Variants in LHFPL3 observed in about 807,000 individuals in gnomAD.
LHFPL3 encodes LHFPL tetraspan subfamily member 3, also known as LHFPL tetraspan subfamily member 3 protein.
Under a neutral mutation model 19.3 loss-of-function variants are expected in LHFPL3, and 5 were observed. The observed-to-expected ratio is 0.26, with a 90% CI of 0.14 to 0.54. The LOEUF is 0.54. Ranked by LOEUF, LHFPL3 falls within the 20% of genes least tolerant of loss-of-function variation. The probability of loss-of-function intolerance (pLI) is 0.94; values close to 1 mark genes in which losing one functional copy is unlikely to be tolerated. For synonymous variants in LHFPL3, 133 were observed against 126.2 expected, an observed-to-expected ratio of 1.05 and a Z score of -0.36; for missense variants, 249 against 307.4, an observed-to-expected ratio of 0.81 and a Z score of 1.42.
intron 1 of LHFPL3, among the ~76,000 whole-genome samples, chr7:104,511,944 CTTTTTT>C (rs58712044): frequency 3.3e-4 from 37 of 111,988 alleles, no homozygotes; most frequent in African/African-American, 1.1e-3. Flanking sequence ...CTTTCCTTTT[CTTTTTT>C]TTTTTTTTTT....
intron 1 of LHFPL3, among the ~76,000 whole-genome samples, chr7:104,619,854 G>A (rs1791412281): frequency 6.6e-6 from 1 of 152,108 alleles, no homozygotes; most frequent in South Asian, 2.1e-4. Context: ...CCACAGATGG[G>A]GCAGGTGGGG....
chr7:104,803,706 C>A (rs1790300216), intron 2 of LHFPL3, among the ~76,000 whole-genome samples: 1 of 152,238 alleles, frequency 6.6e-6, no homozygotes, highest in Non-Finnish European at 1.5e-5. Context: ...GTGCAGTGCA[C>A]AAACTGCCCA....
chr7:104,400,213 A>C (rs1791288221), intron 1 of LHFPL3, among the ~76,000 whole-genome samples: 1 of 144,600 alleles, frequency 6.9e-6, no homozygotes, highest in South Asian at 2.3e-4. Flanking sequence ...TTGAGCATTC[A>C]CTCAGGGTTG....
At chr7:104,449,690 G>C (rs1792395473) in intron 1 of LHFPL3, among the ~76,000 whole-genome samples, 1 of 152,156 alleles carries the variant, frequency 6.6e-6, no homozygotes, top group African/African-American at 2.4e-5. Flanking sequence ...GTAATCCTTT[G>C]CTTAATACAT....
intron 1 of LHFPL3, among the ~76,000 whole-genome samples, chr7:104,709,539 G>C (rs1353840208): frequency 6.7e-6 from 1 of 149,622 alleles, no homozygotes; most frequent in African/African-American, 2.5e-5. Context: ...CAGAGAGCAC[G>C]GGGTTGGGGG....
At chr7:104,468,076 G>GA (rs1442619853) in intron 1 of LHFPL3, among the ~76,000 whole-genome samples, 1 of 152,164 alleles carries the variant, frequency 6.6e-6, no homozygotes, top group Non-Finnish European at 1.5e-5. Context: ...TAAAATCACT[G>GA]AAATTACTAG....
chr7:104,889,993 C>A (rs566680958), intron 2 of LHFPL3, among the ~76,000 whole-genome samples: 1 of 152,070 alleles, frequency 6.6e-6, no homozygotes, highest in Non-Finnish European at 1.5e-5. Context: ...TCTTCTCATT[C>A]GCTTCTTAGG....
At chr7:104,845,367 C>T in intron 2 of LHFPL3, 4 of 1,451,602 alleles carry the variant, frequency 2.8e-6, no homozygotes, top group Non-Finnish European at 3.7e-6. Context: ...CTGTTTTTTC[C>T]TCCCACACTC....
intron 1 of LHFPL3, among the ~76,000 whole-genome samples, chr7:104,518,491 A>G (rs1175324656): frequency 1.6e-5 from 2 of 122,860 alleles, no homozygotes; most frequent in South Asian, 4.9e-4. Flanking sequence ...TCCAATCTCT[A>G]TGGTGTTTAA....
At chr7:104,507,678 A>G (rs1400904900) in intron 1 of LHFPL3, among the ~76,000 whole-genome samples, 1,452 of 109,852 alleles carry the variant, frequency 0.013, no homozygotes, top group Non-Finnish European at 0.014. Context: ...GGCAACCTAC[A>G]AAATGGGAGA....
intron 1 of LHFPL3, among the ~76,000 whole-genome samples, chr7:104,454,206 A>G (rs1035219205): frequency 2.0e-5 from 3 of 152,206 alleles, no homozygotes; most frequent in Non-Finnish European, 4.4e-5. Context: ...CTTCTTAGGC[A>G]GAGCAAAAGA....
At chr7:104,624,760 G>T (rs917169693) in intron 1 of LHFPL3, among the ~76,000 whole-genome samples, 1 of 152,212 alleles carries the variant, frequency 6.6e-6, no homozygotes, top group African/African-American at 2.4e-5. Context: ...ATAAAATAGA[G>T]AATGGCAGGT....
chr7:104,810,516 G>A (rs1428311804), intron 2 of LHFPL3, among the ~76,000 whole-genome samples: 2 of 152,166 alleles, frequency 1.3e-5, no homozygotes, highest in Non-Finnish European at 2.9e-5. Context: ...TTGAGCCACA[G>A]GGAGAATGAT....
intron 1 of LHFPL3, among the ~76,000 whole-genome samples, chr7:104,351,351 T>C (rs766632282): frequency 1.3e-5 from 2 of 152,208 alleles, no homozygotes; most frequent in Non-Finnish European, 2.9e-5. Flanking sequence ...ATTTCACTTC[T>C]CTGATAAAAT....
intron 2 of LHFPL3, among the ~76,000 whole-genome samples, chr7:104,805,037 A>G (rs1353219817): frequency 6.6e-6 from 1 of 152,168 alleles, no homozygotes; most frequent in Admixed American, 6.5e-5. Context: ...CCCAGTGCCA[A>G]TCTGGAGCAG....
intron 1 of LHFPL3, among the ~76,000 whole-genome samples, chr7:104,598,358 A>C (rs1562946254): frequency 6.6e-6 from 1 of 152,204 alleles, no homozygotes; most frequent in Non-Finnish European, 1.5e-5. Context: ...TTTTAATGCA[A>C]ATTTTAAACA....
In LHFPL3 at chr7:104,472,999, T is replaced by C. The variant is rs1584344168; in HGVS notation, c.445+143775T>C. Among the ~76,000 whole-genome samples the C allele has an allele frequency of 2.6e-5, 4 of 152,282 alleles. No individual in the cohort carries two copies. In the East Asian group the frequency reaches 7.7e-4, roughly 29 times the overall value. ...GGAGACCAATAACAAATATTAATGA[T>C]ACTAATAAAAGAAATTCAAAATTTC... On this transcript the variant is annotated intron_variant, in intron 1 of 2. Transcript: ENST00000424859.
At chr7:104,583,317 G>A (rs1042533515) in intron 1 of LHFPL3, among the ~76,000 whole-genome samples, 4 of 152,022 alleles carry the variant, frequency 2.6e-5, no homozygotes, top group African/African-American at 9.7e-5. Context: ...AATTCAAGAT[G>A]GATTAAAGAC....
intron 1 of LHFPL3, among the ~76,000 whole-genome samples, chr7:104,369,328 G>A (rs903337885): frequency 6.6e-6 from 1 of 152,228 alleles, no homozygotes; most frequent in Non-Finnish European, 1.5e-5. Context: ...TACAATATGT[G>A]GCCTTTTGCA....
Sources: allele counts gnomAD v4.1 joint callset (sites outside exome capture counted in the v4.1 genomes callset), GRCh38; gene constraint gnomAD v4.1.1; transcripts MANE v1.5; gene names NCBI Gene and HGNC (gene_info 2026-07-23, HGNC 2026-07-21).